The following EXTL3 variants were observed in gnomAD, a reference collection of about 807,000 sequenced individuals.
EXTL3 encodes the protein exostosin like glycosyltransferase 3.
EXTL3 carries 27 observed loss-of-function variants against 69.3 expected under a neutral mutation model. The observed-to-expected ratio is 0.39, with a 90% CI of 0.29 to 0.54. EXTL3 has a LOEUF of 0.54. Among genes scored for constraint, EXTL3 ranks in the 20% least tolerant of loss-of-function variants. The pLI is 0.69. For missense variants in EXTL3, 1,003 were observed against 1,231.8 expected (o/e 0.81, Z 2.78); for synonymous variants, 511 against 499.4 (o/e 1.02, Z -0.31).
At chr8:28,629,868 A>G (rs1806546919) in intron 1 of EXTL3, among the ~76,000 whole-genome samples, 1 of 152,120 alleles carries the variant, frequency 6.6e-6, no homozygotes, top group Non-Finnish European at 1.5e-5. Flanking sequence ...AGACAGACTA[A>G]AAGGAGAGCT....
At chr8:28,675,572 C>T (rs1334668761) in intron 1 of EXTL3, among the ~76,000 whole-genome samples, 1 of 152,166 alleles carries the variant, frequency 6.6e-6, no homozygotes, top group Admixed American at 6.5e-5. Context: ...CTTCTTACTA[C>T]CCTACTACCC....
At position 28,737,571 on chromosome 8, in the gene EXTL3, G is replaced by T. The variant is rs369382883; in HGVS notation, c.2329G>T (p.Ala777Ser). The stretch of plus-strand genomic sequence containing the variant: ...CGTGGGCTTCCCTGGCCGTTACCAC[G>T]CATGGGACATCCCCCATCAGTCCTG... ...RIVGFPGRYH[A>S]WDIPHQSWLY... Residue 777 changes from alanine (A) to serine (S), a missense_variant, in exon 5 of 7, where the codon GCA (alanine) becomes TCA (serine). By Grantham distance (99) the Ala-to-Ser change is moderately conservative. This residue lies in a region of EXTL3 where 261 missense variants were observed against 416.4 expected (regional missense o/e 0.63). Coordinates refer to ENST00000220562, the MANE Select transcript of EXTL3 (RefSeq NM_001440.4). 8.7e-5 allele frequency: 140 copies of T among 1,613,908 alleles called. No homozygotes were observed. The highest frequency in any genetic ancestry group is 1.1e-4 in the Non-Finnish European group (124 of 1,179,908).
intron 1 of EXTL3, among the ~76,000 whole-genome samples, chr8:28,684,757 T>A (rs1277071598): frequency 6.6e-6 from 1 of 152,152 alleles, no homozygotes; most frequent in African/African-American, 2.4e-5. Flanking sequence ...AAATATTTTT[T>A]AAAAAAGTTA....
chr8:28,717,594 G>T lies in EXTL3; in HGVS notation c.1535G>T (p.Gly512Val). The T allele has an allele frequency of 6.2e-7, 1 of 1,614,240 alleles. No individual in the cohort carries two copies. Among genetic ancestry groups the T allele is most frequent in the Non-Finnish European group, 8.5e-7 (1 of 1,180,046 alleles). Residue 512 changes from glycine (G) to valine (V), a missense_variant, in exon 3 of 7, where the codon GGC becomes GTC. Physicochemically the swap from Gly to Val is moderately radical, Grantham distance 109. Around this residue, in one of 2 missense-constraint regions of EXTL3, gnomAD observed 742 missense variants for 815.4 expected, o/e 0.91. Coordinates refer to ENST00000220562, the MANE Select transcript of EXTL3 (RefSeq NM_001440.4). This position sits in a 1 kb window ranked among gnomAD's most constrained non-coding sequence, Gnocchi z 8.3. The part of the protein sequence containing the change: ...DSDLLAMRRQ[G>V]RFLWETYFST... ...GACCTCCTGGCTATGAGGCGGCAAG[G>T]CCGCTTTCTCTGGGAGACTTACTTC...
chr8:28,725,716 A>G (rs1379029288), intron 3 of EXTL3, among the ~76,000 whole-genome samples: 1 of 152,216 alleles, frequency 6.6e-6, no homozygotes, highest in Non-Finnish European at 1.5e-5. Context: ...GCAAGTTACT[A>G]AGATGTAATC....
At chr8:28,620,568 C>A (rs1266101267), upstream of EXTL3, among the ~76,000 whole-genome samples, 1 of 152,158 alleles carries the variant, frequency 6.6e-6, no homozygotes, top group Non-Finnish European at 1.5e-5. Flanking sequence ...CATTACATAC[C>A]CCATGTAGGC....
intron 1 of EXTL3, among the ~76,000 whole-genome samples, chr8:28,690,145 ATATT>A (rs1283220284): frequency 5.9e-5 from 9 of 152,306 alleles, no homozygotes; most frequent in African/African-American, 1.9e-4. Context: ...GAAAGTACAA[ATATT>A]TATTTATTTA....
chr8:28,695,277 C>T (rs1176945605), intron 1 of EXTL3, among the ~76,000 whole-genome samples: 2 of 151,874 alleles, frequency 1.3e-5, no homozygotes, highest in East Asian at 3.9e-4. Context: ...TACAGGCACC[C>T]ACCACCATGC....
chr8:28,644,143 T>G (rs1011419523), intron 1 of EXTL3, among the ~76,000 whole-genome samples: 1 of 152,184 alleles, frequency 6.6e-6, no homozygotes, highest in Non-Finnish European at 1.5e-5. Context: ...AATTATACTA[T>G]TTGCATACTT....
At chr8:28,669,800 A>G (rs1481285978) in intron 1 of EXTL3, among the ~76,000 whole-genome samples, 1 of 152,216 alleles carries the variant, frequency 6.6e-6, no homozygotes, top group Non-Finnish European at 1.5e-5. Flanking sequence ...CACTTTCAGC[A>G]AGCCTCAACC....
Position 28,623,388 on chromosome 8 carries a change from CTT to C in EXTL3, c.-53+580_-53+581del, listed in dbSNP as rs1806444421. 6.6e-6 allele frequency among the ~76,000 whole-genome samples: 1 copy of C among 152,240 alleles called. No homozygotes were observed. Among genetic ancestry groups the C allele is most frequent in the Non-Finnish European group, 1.5e-5 (1 of 68,042 alleles). On this transcript the variant is annotated intron_variant, in intron 1 of 6. Coordinates refer to the EXTL3 transcript ENST00000523149. The surrounding 1 kb of genome is among the most constrained non-coding windows in gnomAD (Gnocchi z 4.2). ...CCTGCGAGCCCCTCAGCACAGCTGA[CTT>C]TAATTTGGGATCCCACAATTTGAGC...
At chr8:28,698,290 T>C (rs1244784904), upstream of EXTL3, 5 of 152,186 alleles carry the variant, frequency 3.3e-5, no homozygotes, top group African/African-American at 1.2e-4. Flanking sequence ...GAGTGCAAAG[T>C]GGGAAGGGGT....
chr8:28,727,687 A>G (rs2237814), intron 3 of EXTL3, among the ~76,000 whole-genome samples: 47,135 of 152,008 alleles, frequency 0.31, 7,436 homozygotes, highest in African/African-American at 0.38. Context: ...AGTAAGAGGA[A>G]GAGTTGGAAT....
At chr8:28,693,299 G>A (rs1481577519) in intron 1 of EXTL3, among the ~76,000 whole-genome samples, 1 of 152,018 alleles carries the variant, frequency 6.6e-6, no homozygotes, top group African/African-American at 2.4e-5. Context: ...ACAGGCGCCC[G>A]CCACCACACC....
intron 5 of EXTL3, chr8:28,741,954 A>G (rs1471567613): frequency 1.3e-5 from 2 of 152,184 alleles, no homozygotes; most frequent in African/African-American, 2.4e-5. Context: ...CACCTCACCT[A>G]TTCATTTGTT....
At chr8:28,644,179 A>G (rs1004313529) in intron 1 of EXTL3, among the ~76,000 whole-genome samples, 2 of 151,690 alleles carry the variant, frequency 1.3e-5, no homozygotes, top group African/African-American at 4.8e-5. Flanking sequence ...GCTCAATATT[A>G]TGTTTTTGAG....
intron 1 of EXTL3, among the ~76,000 whole-genome samples, chr8:28,640,959 A>T (rs1806733100): frequency 1.3e-5 from 2 of 152,152 alleles, no homozygotes; most frequent in South Asian, 4.1e-4. Context: ...ATTAATACAA[A>T]GGAATCTTAT....
Position 28,755,053 on chromosome 8 carries a change from C to A in EXTL3, c.*4187C>A, listed in dbSNP as rs1404989685. 6.6e-6 allele frequency: 1 copy of A among 152,156 alleles called. No individual in the cohort carries two copies. Among genetic ancestry groups the A allele is most frequent in the South Asian group, 2.1e-4 (1 of 4,822 alleles). 9.4% of individuals were successfully genotyped at this position (152,156 alleles called of 1,614,324 possible). A position where few individuals can be genotyped will look rare whatever the true frequency, so the allele number is the denominator to read the frequency against. On this transcript the variant is annotated 3_prime_UTR_variant, in exon 7 of 7. Coordinates refer to ENST00000220562, the MANE Select transcript of EXTL3 (RefSeq NM_001440.4). ...TCTATTACTATTTTAGGCTCTAATC[C>A]CACCATACGGTGGCAAAAGTTGTGC...
At chr8:28,674,046 G>A (rs1284237882) in intron 1 of EXTL3, among the ~76,000 whole-genome samples, 4 of 151,628 alleles carry the variant, frequency 2.6e-5, no homozygotes, top group African/African-American at 9.7e-5. Context: ...GAATCAATGA[G>A]CTCAGTAATG....
Sources: gnomAD v4.1 joint callset for allele counts (sites outside exome capture counted in the v4.1 genomes callset) on GRCh38, gnomAD v4.1.1 for gene constraint, gnomAD v4.1.1 regional missense constraint, Gnocchi (gnomAD v3.1) non-coding constraint, MANE v1.5 for transcripts, NCBI Gene and HGNC (gene_info 2026-07-23, HGNC 2026-07-21) for gene names.